The following HHLA1 variants were observed in gnomAD, a reference collection of about 807,000 sequenced individuals.
The protein encoded by HHLA1 is HERV-H LTR-associating protein 1.
In HHLA1, 72 loss-of-function variants were observed where a neutral mutation model predicts 69.9. The observed-to-expected ratio is 1.03, with a 90% CI of 0.85 to 1.25. The LOEUF is 1.25. HHLA1 is among the 50% of genes most tolerant of loss of function. The pLI is 0.00. For synonymous variants in HHLA1, 252 were observed against 233.2 expected (o/e 1.08, Z -0.73); for missense variants, 685 against 642.2 (o/e 1.07, Z -0.72).
At chr8:132,103,860 A>G (rs1408554493) in intron 3 of HHLA1, among the ~76,000 whole-genome samples, 1 of 152,234 alleles carries the variant, frequency 6.6e-6, no homozygotes, top group African/African-American at 2.4e-5. Context: ...ATGGCAAGTA[A>G]CGGTACCCCC....
chr8:132,093,241 A>G (rs560437231), intron 7 of HHLA1, among the ~76,000 whole-genome samples: 1 of 152,312 alleles, frequency 6.6e-6, no homozygotes, highest in Admixed American at 6.5e-5. Flanking sequence ...TAGCATGTTA[A>G]TAGTGACTAC....
chr8:132,107,220 TTC>T (rs1476903281), intron 1 of HHLA1, among the ~76,000 whole-genome samples: 4 of 152,276 alleles, frequency 2.6e-5, no homozygotes, highest in Admixed American at 6.5e-5. Flanking sequence ...AGCTACAAAT[TTC>T]TCTCTTTTTG....
chr8:132,077,765 C>T lies in HHLA1; in HGVS notation c.1132G>A (p.Ala378Thr). The stretch of plus-strand genomic sequence containing the variant: ...GCCTGGGATGGGCTGCCAGGTGTGG[C>T]CATTATCTCAGCAGCAGGCGCCAAA... ...SLLAPAAEIM[A>T]TPGSPSQASP... The change falls in exon 12 of 17, where the codon GCC (alanine) becomes ACC (threonine). Residue 378 changes from alanine to threonine, a missense_variant. By Grantham distance (58) the Ala-to-Thr change is moderately conservative (BLOSUM62 0). Coordinates refer to ENST00000414222, the MANE Select transcript of HHLA1 (RefSeq NM_001145095.3). The T allele has an allele frequency of 7.1e-6, 11 of 1,551,630 alleles. No individual in the cohort carries two copies. The highest frequency in any genetic ancestry group is 9.6e-6 in the Non-Finnish European group (11 of 1,146,950).
chr8:132,100,959 A>G (rs1472869416), intron 3 of HHLA1, among the ~76,000 whole-genome samples: 1 of 152,228 alleles, frequency 6.6e-6, no homozygotes, highest in Non-Finnish European at 1.5e-5. Context: ...TGGATGGAGA[A>G]GGTGCATTAT....
chr8:132,087,747 A>C lies in HHLA1; in HGVS notation c.590-8T>G, dbSNP rs754485281. 61 of 1,549,544 alleles carry C rather than the reference A, an allele frequency of 3.9e-5. No homozygotes were observed. Among genetic ancestry groups the C allele is most frequent in the Non-Finnish European group, 5.2e-5 (59 of 1,145,186 alleles). On this transcript the variant is annotated splice_region_variant and splice_polypyrimidine_tract_variant and intron_variant, in intron 9 of 16. Transcript: ENST00000414222. ...AGTCAGAAAGATTCCTTCCTGCAAA[A>C]ATCACACCAACAGGGTCAGATCTTG... is the stretch of plus-strand genomic sequence containing the variant.
At chr8:132,075,978 A>C in intron 14 of HHLA1, 77 bp downstream of exon 14, 1 of 1,111,962 alleles carries the variant, frequency 9.0e-7, no homozygotes, top group East Asian at 2.6e-5. Flanking sequence ...TTACCGAACA[A>C]ACCTCTCCTT....
chr8:132,063,830 A>T lies in HHLA1; in HGVS notation c.*165T>A. On this transcript the variant is annotated 3_prime_UTR_variant, in exon 17 of 17. Transcript: ENST00000414222. ...TCAATGTTTTGCACAGATTCACAGG[A>T]GAGGGAAAAAAAATGCTACTTCCAA... 2 of 262,852 alleles carry T rather than the reference A, an allele frequency of 7.6e-6. No individual in the cohort carries two copies. The highest frequency in any genetic ancestry group is 1.7e-4 in the East Asian group (2 of 11,992). 16.3% of individuals were successfully genotyped at this position (262,852 alleles called of 1,614,324 possible). A position where few individuals can be genotyped will look rare whatever the true frequency, so the allele number is the denominator to read the frequency against.
rs35639738 is a variant in HHLA1 at position 132,093,289 on chromosome 8, A to C, written c.448+2230T>G. Among the ~76,000 whole-genome samples the C allele has an allele frequency of 3.0e-3, 450 of 152,258 alleles. 2 individuals are homozygous for C. Among genetic ancestry groups the C allele is most frequent in the Admixed American group, 3.9e-3 (59 of 15,300 alleles). On this transcript the variant is annotated intron_variant, in intron 7 of 16. Coordinates refer to ENST00000414222, the MANE Select transcript of HHLA1 (RefSeq NM_001145095.3). ...GGATATCAGCTATTTCTGGTTTCTT[A>C]GTTTTCCTGTCCATGTTGCATAGCA... is the stretch of plus-strand genomic sequence containing the variant.
intron 15 of HHLA1, among the ~76,000 whole-genome samples, chr8:132,068,667 T>C (rs1422540666): frequency 4.6e-5 from 7 of 152,336 alleles, no homozygotes; most frequent in Non-Finnish European, 5.9e-5. Flanking sequence ...CTTGTAGGTA[T>C]GTCTATCTAA....
At chr8:132,067,518 G>A (rs1050605557) in intron 15 of HHLA1, among the ~76,000 whole-genome samples, 1 of 152,076 alleles carries the variant, frequency 6.6e-6, no homozygotes, top group African/African-American at 2.4e-5. Flanking sequence ...TGTCAAGGTT[G>A]GCCAACTCAA....
At position 132,077,511 on chromosome 8, in the gene HHLA1, A is replaced by G. The variant is rs562715097; in HGVS notation, c.1171+215T>C. On this transcript the variant is annotated intron_variant, in intron 12 of 16. Transcript: ENST00000414222. ...GTGCGATTACATAAAAGAGAGAGGA[A>G]CTGGGGAATGAAAGAAGGAGCTTTC... Among the ~76,000 whole-genome samples, 93 of 152,212 alleles carry G rather than the reference A, an allele frequency of 6.1e-4. 1 individual carries two copies. The South Asian group carries it at 0.018, about 30-fold the overall frequency.
chr8:132,087,998 G>T, intron 8 of HHLA1, 97 bp from the exon 9 acceptor site: 2 of 861,648 alleles, frequency 2.3e-6, no homozygotes, highest in Non-Finnish European at 3.8e-6. Flanking sequence ...ACCTAACTTA[G>T]GATAATATAG....
chr8:132,081,617 C>T (rs977138684), intron 10 of HHLA1, among the ~76,000 whole-genome samples: 2 of 152,168 alleles, frequency 1.3e-5, no homozygotes, highest in Non-Finnish European at 2.9e-5. Flanking sequence ...TCTGACAGAA[C>T]AGAAGAAATG....
At chr8:132,086,859 T>C (rs1823873353) in intron 10 of HHLA1, among the ~76,000 whole-genome samples, 1 of 152,156 alleles carries the variant, frequency 6.6e-6, no homozygotes, top group African/African-American at 2.4e-5. Flanking sequence ...GAGTTGCAGA[T>C]TTATTGTATC....
At chr8:132,090,319 T>C (rs1296229040) in intron 7 of HHLA1, among the ~76,000 whole-genome samples, 1 of 152,232 alleles carries the variant, frequency 6.6e-6, no homozygotes, top group African/African-American at 2.4e-5. Flanking sequence ...TCTCCTTCTT[T>C]GTTCATTTAT....
rs1823544277 is a variant in HHLA1 at position 132,071,500 on chromosome 8, GA to G, written c.1316-8del. The G allele has an allele frequency of 6.4e-7, 1 of 1,551,002 alleles. No individual in the cohort carries two copies. The highest frequency in any genetic ancestry group is 1.4e-5 in the African/African-American group (1 of 73,144). On this transcript the variant is annotated splice_polypyrimidine_tract_variant and splice_region_variant and intron_variant, in intron 14 of 16. Transcript: ENST00000414222. ...AAGAGTGGCTGAGGACACCCTAGAA[GA>G]TGCAATCCCAGACCAATTAAATCAG... is the stretch of plus-strand genomic sequence containing the variant.
intron 15 of HHLA1, among the ~76,000 whole-genome samples, chr8:132,069,063 G>A (rs1055135853): frequency 6.6e-6 from 1 of 152,174 alleles, no homozygotes; most frequent in Non-Finnish European, 1.5e-5. Flanking sequence ...CATATAATAA[G>A]TTACCCAGGT....
Position 132,062,101 on chromosome 8 carries a change from T to A in HHLA1, c.*1894A>T, listed in dbSNP as rs1823363178. On this transcript the variant is annotated 3_prime_UTR_variant, in exon 17 of 17. Coordinates refer to ENST00000414222, the MANE Select transcript of HHLA1 (RefSeq NM_001145095.3). ...CCCTCTCCTGTCAAAGGTCCTTAAT[T>A]AATATCCACGCAAGGGTTGAATCAA... 1.3e-5 allele frequency: 2 copies of A among 152,210 alleles called. No homozygotes were observed. Among genetic ancestry groups the A allele is most frequent in the Admixed American group, 1.3e-4 (2 of 15,284 alleles). The allele number at this position is 152,210 out of a possible 1,614,324, so 9.4% of individuals were successfully genotyped here.
intron 3 of HHLA1, among the ~76,000 whole-genome samples, chr8:132,102,469 C>T (rs1197196563): frequency 2.6e-5 from 4 of 152,232 alleles, no homozygotes; most frequent in Admixed American, 1.3e-4. Context: ...AAGTCTGAGA[C>T]AGACATACTT....
Sources: allele counts gnomAD v4.1 joint callset (sites outside exome capture counted in the v4.1 genomes callset), GRCh38; gene constraint gnomAD v4.1.1; transcripts MANE v1.5; gene names NCBI Gene and HGNC (gene_info 2026-07-23, HGNC 2026-07-21).